Variants in SCUBE1 observed in about 807,000 individuals in gnomAD.
SCUBE1 encodes signal peptide, CUB and EGF-like domain-containing protein 1.
SCUBE1 carries 59 observed loss-of-function variants against 124.4 expected under a neutral mutation model. The observed-to-expected ratio is 0.47, with a 90% confidence interval of 0.38 to 0.59. The LOEUF is 0.59. Ranked by LOEUF, SCUBE1 falls within the 20% of genes least tolerant of loss-of-function variation. SCUBE1 has a pLI of 0.00. For synonymous variants in SCUBE1, 545 were observed against 550.9 expected (o/e 0.99, Z 0.15); for missense variants, 1,150 against 1,371.2 (o/e 0.84, Z 2.55).
intron 6 of SCUBE1, among the ~76,000 whole-genome samples, chr22:43,250,637 T>C (rs115947814): frequency 0.013 from 1,958 of 152,244 alleles, 49 homozygotes; most frequent in African/African-American, 0.045. Context: ...TGTGCCCCCA[T>C]GTCGTCATCT....
At chr22:43,212,742 C>T (rs1366831150) in intron 16 of SCUBE1, 150 bp from the exon 17 acceptor site, 5 of 732,852 alleles carry the variant, frequency 6.8e-6, no homozygotes, top group East Asian at 2.8e-5. Flanking sequence ...GTGGGGAAAA[C>T]GCAGCAGCCG....
chr22:43,205,462 C>T lies in SCUBE1; in HGVS notation c.2815-1313G>A, dbSNP rs11912950. 9.0e-3 allele frequency among the ~76,000 whole-genome samples: 1,375 copies of T among 152,032 alleles called. 26 individuals are homozygous for T. Among genetic ancestry groups the T allele is most frequent in the African/African-American group, 0.032 (1,317 of 41,390 alleles). On this transcript the variant is annotated intron_variant, in intron 21 of 21. Transcript: ENST00000360835. ...CCCAGGGAAGGTGTTCAGCAAATGG[C>T]GACCACCACCTGCTGGCGCGTGAGA...
intron 4 of SCUBE1, among the ~76,000 whole-genome samples, chr22:43,281,452 A>C (rs1601855410): frequency 6.4e-5 from 3 of 46,946 alleles, no homozygotes; most frequent in East Asian, 7.5e-3. Context: ...CCCTCCTGTC[A>C]TCTCCCTCAG....
intron 4 of SCUBE1, among the ~76,000 whole-genome samples, chr22:43,285,015 G>T (rs1336675288): frequency 6.6e-6 from 1 of 152,178 alleles, no homozygotes; most frequent in Non-Finnish European, 1.5e-5. Context: ...TAACCAGAAG[G>T]TGAAACGCAC....
chr22:43,280,232 C>T (rs547433603), intron 4 of SCUBE1, among the ~76,000 whole-genome samples: 39 of 152,176 alleles, frequency 2.6e-4, no homozygotes, highest in Non-Finnish European at 3.8e-4. Flanking sequence ...TTCTGCGCTA[C>T]GAAGAGAACA....
At chr22:43,216,856 TC>T (rs1249645967) in intron 15 of SCUBE1, among the ~76,000 whole-genome samples, 1 of 87,498 alleles carries the variant, frequency 1.1e-5, no homozygotes, top group Non-Finnish European at 2.2e-5. Flanking sequence ...ATCAACAACT[TC>T]CCCCCACCCA....
At chr22:43,242,649 G>A (rs538865811) in intron 6 of SCUBE1, among the ~76,000 whole-genome samples, 11 of 152,380 alleles carry the variant, frequency 7.2e-5, no homozygotes, top group Admixed American at 1.3e-4. Context: ...CTGGGACTGG[G>A]AAGAGGAGGA....
intron 3 of SCUBE1, among the ~76,000 whole-genome samples, chr22:43,302,738 T>C (rs1244690907): frequency 6.6e-6 from 1 of 152,206 alleles, no homozygotes; most frequent in African/African-American, 2.4e-5. Context: ...ACTGGAGTTT[T>C]TAAAAATTTC....
At position 43,202,886 on chromosome 22, in the gene SCUBE1, G is replaced by T. The variant is rs7286688; in HGVS notation, c.*1111C>A. On this transcript the variant is annotated 3_prime_UTR_variant, in exon 22 of 22. Transcript: ENST00000360835. Reference sequence around the variant, plus strand: ...GAGGCTCCTTGTGGTGGTACAGCCTGTGCTCCTGTGAGCAAGGCCTTGTTT... The same window carrying T: ...GAGGCTCCTTGTGGTGGTACAGCCTTTGCTCCTGTGAGCAAGGCCTTGTTT... 0.038 allele frequency: 5,776 copies of T among 151,938 alleles called. 130 individuals carry two copies. Among genetic ancestry groups the T allele is most frequent in the South Asian group, 0.058 (278 of 4,834 alleles). The allele number at this position is 151,938 out of a possible 1,614,324, so 9.4% of individuals were successfully genotyped here.
intron 3 of SCUBE1, among the ~76,000 whole-genome samples, chr22:43,311,156 C>G (rs972532511): frequency 2.0e-5 from 3 of 152,220 alleles, no homozygotes; most frequent in African/African-American, 7.2e-5. Flanking sequence ...CACCCTGCCC[C>G]CATCACTTTG....
In SCUBE1 at chr22:43,251,775, G is replaced by A. The variant is rs182628516; in HGVS notation, c.727+6444C>T. ...GACCTACAGAAGATAATAAACGTGC[G>A]TCGTCTTAAGCAACTGAGATTGCGG... On this transcript the variant is annotated intron_variant, in intron 6 of 21. Transcript: ENST00000360835. 3.3e-5 allele frequency among the ~76,000 whole-genome samples: 5 copies of A among 152,314 alleles called. No individual in the cohort carries two copies. The East Asian group carries it at 5.8e-4, about 18-fold the overall frequency.
chr22:43,330,862 T>A (rs1243831839), intron 2 of SCUBE1, among the ~76,000 whole-genome samples: 1 of 152,212 alleles, frequency 6.6e-6, no homozygotes, highest in African/African-American at 2.4e-5. Flanking sequence ...CTGCTTGGAC[T>A]TGAGCACTTT....
At position 43,218,402 on chromosome 22, in the gene SCUBE1, T is replaced by A; in HGVS notation, c.1744A>T (p.Ile582Phe). 1 of 1,613,426 alleles carries A rather than the reference T, an allele frequency of 6.2e-7. No homozygotes were observed. Among genetic ancestry groups the A allele is most frequent in the Non-Finnish European group, 8.5e-7 (1 of 1,180,038 alleles). Residue 582 changes from isoleucine to phenylalanine, a missense_variant, in exon 15 of 22, where the codon ATC (isoleucine) becomes TTC (phenylalanine). This residue lies in a region of SCUBE1 where 757 missense variants were observed against 840.9 expected (regional missense o/e 0.90). Coordinates refer to ENST00000360835, the MANE Select transcript of SCUBE1 (RefSeq NM_173050.5). ...CCGATGGACTTGCGCAGGGTCTTGA[T>A]GGCGGCCTGCAGGCTCTGTTCTGCT... ...KRAEQSLQAA[I>F]KTLRKSIGRQ...
chr22:43,247,180 A>T (rs1923249409), intron 6 of SCUBE1, among the ~76,000 whole-genome samples: 1 of 152,202 alleles, frequency 6.6e-6, no homozygotes, highest in Non-Finnish European at 1.5e-5. Flanking sequence ...GTGAAGAAGG[A>T]AAGGATGGAA....
chr22:43,219,526 C>T (rs917112086), intron 14 of SCUBE1, among the ~76,000 whole-genome samples: 8 of 149,820 alleles, frequency 5.3e-5, no homozygotes, highest in African/African-American at 2.0e-4. Flanking sequence ...CAGGCTGGAG[C>T]ACAGTGGCGC....
chr22:43,215,053 G>C (rs1013412082), intron 15 of SCUBE1, among the ~76,000 whole-genome samples: 2 of 152,208 alleles, frequency 1.3e-5, no homozygotes, highest in Non-Finnish European at 2.9e-5. Context: ...TCCGATGAGA[G>C]GGCCTAGAGG....
chr22:43,216,127 A>G (rs1601801510), intron 15 of SCUBE1, among the ~76,000 whole-genome samples: 1 of 151,692 alleles, frequency 6.6e-6, no homozygotes, highest in Admixed American at 6.6e-5. Context: ...GCTCACTGCA[A>G]CCTCTGCCTC....
intron 16 of SCUBE1, 56 bp downstream of exon 16, chr22:43,214,034 A>AGGCGGCGGGGGGGGGGGGGGGGG: frequency 1.0e-6 from 1 of 995,764 alleles, no homozygotes; most frequent in Admixed American, 2.4e-5. Flanking sequence ...CATCAGAGAC[A>AGGCGGCGGGGGGGGGGGGGGGGG]GGAGGAGCCC....
At chr22:43,319,311 T>C (rs943312104) in intron 3 of SCUBE1, among the ~76,000 whole-genome samples, 1 of 151,962 alleles carries the variant, frequency 6.6e-6, no homozygotes. Context: ...TCACGCCTGT[T>C]ATCCCAGCAC....
Sources: allele counts gnomAD v4.1 joint callset (sites outside exome capture counted in the v4.1 genomes callset), GRCh38; gene constraint gnomAD v4.1.1; regional missense constraint gnomAD v4.1.1; transcripts MANE v1.5; gene names NCBI Gene and HGNC (gene_info 2026-07-23, HGNC 2026-07-21).